Variants in ARAP1 observed in about 807,000 individuals in gnomAD.
The protein encoded by ARAP1 is ArfGAP with RhoGAP domain, ankyrin repeat and PH domain 1, also known as arf-GAP with Rho-GAP domain, ANK repeat and PH domain-containing protein 1.
Under a neutral mutation model 172.2 loss-of-function variants are expected in ARAP1, and 76 were observed. The ratio of observed to expected loss-of-function variants is 0.44; its 90% CI spans 0.37 to 0.53. ARAP1 has a LOEUF of 0.53. ARAP1 is among the 20% of genes least tolerant of loss of function. ARAP1 has a pLI of 0.00. For synonymous variants in ARAP1, 804 were observed against 803.3 expected, an observed-to-expected ratio of 1.00 and a Z score of -0.01; for missense variants, 1,686 against 1,977.5, an observed-to-expected ratio of 0.85 and a Z score of 2.80.
chr11:72,693,208 G>A lies in ARAP1; in HGVS notation c.3954+117C>T, dbSNP rs1179059947. 3 of 1,439,838 alleles carry A rather than the reference G, an allele frequency of 2.1e-6. No individual in the cohort carries two copies. The highest frequency in any genetic ancestry group is 4.1e-5 in the Admixed American group (2 of 48,902). 89.2% of individuals were successfully genotyped at this position (1,439,838 alleles called of 1,614,324 possible). On this transcript the variant is annotated intron_variant, in intron 29 of 34. Transcript: ENST00000393609. The surrounding 1 kb of genome is among the most constrained non-coding windows in gnomAD (Gnocchi z 4.6). ...GAGTCTACAGTTCTCCCCCACTGCT[G>A]TGCCATCCTGAGAGCCTGTAACGGG...
chr11:72,694,846 A>G (rs994723091), intron 27 of ARAP1, 134 bp downstream of exon 27: 4 of 719,240 alleles, frequency 5.6e-6, no homozygotes, highest in South Asian at 5.4e-5. Flanking sequence ...CACAGAGATC[A>G]GTGTGACAGC....
At position 72,726,353 on chromosome 11, in the gene ARAP1, G is replaced by A. The variant is rs1531865; in HGVS notation, c.509+267C>T. 0.35 allele frequency among the ~76,000 whole-genome samples: 53,389 copies of A among 151,930 alleles called. 9,886 individuals are homozygous for A. Among genetic ancestry groups the A allele is most frequent in the East Asian group, 0.54 (2,800 of 5,138 alleles). ...TGGGTCTCTGGATCAGTGATGGCAC[G>A]ACTGTCCACCCAGCCACCCAAGACA... On this transcript the variant is annotated intron_variant, in intron 3 of 34. Coordinates refer to ENST00000393609, the MANE Select transcript of ARAP1 (RefSeq NM_001040118.3). This position sits in a 1 kb window ranked among gnomAD's most constrained non-coding sequence, Gnocchi z 6.5.
intron 2 of ARAP1, among the ~76,000 whole-genome samples, chr11:72,731,046 G>A (rs1270931191): frequency 6.6e-6 from 1 of 152,224 alleles, no homozygotes; most frequent in Non-Finnish European, 1.5e-5. Context: ...GGAGCATGGA[G>A]TAGTGTGCAG....
At position 72,741,685 on chromosome 11, in the gene ARAP1, T is replaced by C. The variant is rs1858204197; in HGVS notation, c.-127-9088A>G. 6.6e-6 allele frequency among the ~76,000 whole-genome samples: 1 copy of C among 151,858 alleles called. No individual in the cohort carries two copies. The highest frequency in any genetic ancestry group is 1.5e-5 in the Non-Finnish European group (1 of 67,960). ...AGAGACAGGGCTGACCGCAGCAGGG[T>C]GGGAGTGCACAGGGCTGACCACAGA... On this transcript the variant is annotated intron_variant, in intron 1 of 34. Coordinates refer to ENST00000393609, the MANE Select transcript of ARAP1 (RefSeq NM_001040118.3). The surrounding 1 kb of genome is among the most constrained non-coding windows in gnomAD (Gnocchi z 4.5).
chr11:72,750,761 G>C (rs1448966238), intron 1 of ARAP1, among the ~76,000 whole-genome samples: 1 of 148,322 alleles, frequency 6.7e-6, no homozygotes, highest in South Asian at 2.2e-4. Flanking sequence ...CGGGGCCCCA[G>C]GTCCCATGAT....
Position 72,693,388 on chromosome 11 carries a change from A to G in ARAP1, c.3891T>C (p.Gly1297=). 6.2e-7 allele frequency: 1 copy of G among 1,613,904 alleles called. No individual in the cohort carries two copies. The highest frequency in any genetic ancestry group is 8.5e-7 in the Non-Finnish European group (1 of 1,179,852). The change falls in exon 29 of 35, where the codon GGT becomes GGC. Residue 1297 remains glycine, a synonymous_variant. Coordinates refer to ENST00000393609, the MANE Select transcript of ARAP1 (RefSeq NM_001040118.3). This position sits in a 1 kb window ranked among gnomAD's most constrained non-coding sequence, Gnocchi z 4.6. ...GGATGAAGTAGCGATCGTGGAAGCCACCTGAGGGCAGGCCCAGGCCCAGGA... is the reference window on the plus strand; with the variant it reads ...GGATGAAGTAGCGATCGTGGAAGCCGCCTGAGGGCAGGCCCAGGCCCAGGA... ...RSLLGLGLPS[G]GFHDRYFILN...
Position 72,697,208 on chromosome 11 carries a change from G to A in ARAP1, c.2954-13C>T, listed in dbSNP as rs1054532400. The stretch of plus-strand genomic sequence containing the variant: ...TCGGAGGTCAGGCCTAGGGAGGGGC[G>A]GGGCCAAGCGTTCGGGGCCTGAGGC... On this transcript the variant is annotated splice_polypyrimidine_tract_variant and intron_variant, in intron 21 of 34. Coordinates refer to ENST00000393609, the MANE Select transcript of ARAP1 (RefSeq NM_001040118.3). 4.4e-6 allele frequency: 7 copies of A among 1,594,218 alleles called. No homozygotes were observed. The African/African-American group carries it at 8.0e-5, about 18-fold the overall frequency.
Position 72,699,106 on chromosome 11 carries a change from A to G in ARAP1, c.2440T>C (p.Phe814Leu). The G allele has an allele frequency of 6.2e-7, 1 of 1,614,078 alleles. No homozygotes were observed. The highest frequency in any genetic ancestry group is 8.5e-7 in the Non-Finnish European group (1 of 1,180,008). ...GTGTACACCTCAAAGGTGTGCTCAAAGCTGCAAATACACAGGCCAGGACTC... is the reference window on the plus strand; with the variant it reads ...GTGTACACCTCAAAGGTGTGCTCAAGGCTGCAAATACACAGGCCAGGACTC... Reference protein sequence around the residue: ...LAVPPPDTHGFEHTFEVYTEG... With the variant: ...LAVPPPDTHGLEHTFEVYTEG... Residue 814 changes from phenylalanine (F) to leucine (L), a missense_variant and splice_region_variant, in exon 18 of 35, where the codon TTT becomes CTT. By Grantham distance (22) the Phe-to-Leu change is conservative. This residue lies in a region of ARAP1 where 688 missense variants were observed against 856.9 expected (regional missense o/e 0.80). Transcript: ENST00000393609. The surrounding 1 kb of genome is among the most constrained non-coding windows in gnomAD (Gnocchi z 4.2).
At chr11:72,746,190 C>G (rs1015373841) in intron 1 of ARAP1, among the ~76,000 whole-genome samples, 1 of 152,080 alleles carries the variant, frequency 6.6e-6, no homozygotes, top group Non-Finnish European at 1.5e-5. Context: ...CGGGAACAGC[C>G]CCACTACAAC....
intron 1 of ARAP1, among the ~76,000 whole-genome samples, chr11:72,734,767 T>C (rs1591241274): frequency 6.6e-6 from 1 of 151,718 alleles, no homozygotes; most frequent in Non-Finnish European, 1.5e-5. Flanking sequence ...CACGTGGCTG[T>C]TGGACATTTG....
At chr11:72,697,713 C>T (rs940696186) in intron 19 of ARAP1, 64 bp from the exon 20 acceptor site, 1 of 1,597,616 alleles carries the variant, frequency 6.3e-7, no homozygotes, top group African/African-American at 1.3e-5. Context: ...TGCTCCCTCC[C>T]TCTGTGAGCA....
chr11:72,707,334 C>G lies in ARAP1; in HGVS notation c.1564G>C (p.Glu522Gln). The change falls in exon 12 of 35, where the codon GAG becomes CAG. Residue 522 changes from glutamate (E) to glutamine (Q), a missense_variant. Coordinates refer to ENST00000393609, the MANE Select transcript of ARAP1 (RefSeq NM_001040118.3). ...DSELEKEQWL[E>Q]AMQGAIAEAL... ...TCAGCGATGGCTCCCTGCATGGCCT[C>G]CAACCACTGCTCCTTCTCTAGCTCT... 1 of 1,613,590 alleles carries G rather than the reference C, an allele frequency of 6.2e-7. No individual in the cohort carries two copies. The highest frequency in any genetic ancestry group is 8.5e-7 in the Non-Finnish European group (1 of 1,179,836).
rs781291928 is a variant in ARAP1, at chr11:72,741,084, C to T, written c.-127-8487G>A. Among the ~76,000 whole-genome samples, 1 of 152,144 alleles carries T rather than the reference C, an allele frequency of 6.6e-6. No homozygotes were observed. Among genetic ancestry groups the T allele is most frequent in the Non-Finnish European group, 1.5e-5 (1 of 68,020 alleles). ...ATGCCCCTCTGGCCCCACCACATAC[C>T]CCCGACCCCTAATGGGTCTGGGGAC... On this transcript the variant is annotated intron_variant, in intron 1 of 34. Coordinates refer to ENST00000393609, the MANE Select transcript of ARAP1 (RefSeq NM_001040118.3). This position sits in a 1 kb window ranked among gnomAD's most constrained non-coding sequence, Gnocchi z 4.5.
chr11:72,712,511 C>G lies in ARAP1; in HGVS notation c.805G>C (p.Glu269Gln), dbSNP rs144638314. Reference sequence around the variant, plus strand: ...TCGTCCCCAGACAGTTCCTCTCCCTCGCTCAGCAGACTGGCCACGCGCACG... The same window carrying G: ...TCGTCCCCAGACAGTTCCTCTCCCTGGCTCAGCAGACTGGCCACGCGCACG... ...RAVRVASLLS[E>Q]GEELSGDDQG... Residue 269 changes from glutamate (E) to glutamine (Q), a missense_variant, in exon 6 of 35, where the codon GAG becomes CAG. Glu to Gln is a conservative substitution (Grantham distance 29). Coordinates refer to ENST00000393609, the MANE Select transcript of ARAP1 (RefSeq NM_001040118.3). The G allele has an allele frequency of 1.6e-4, 258 of 1,613,600 alleles. No homozygotes were observed. The highest frequency in any genetic ancestry group is 2.1e-4 in the Non-Finnish European group (250 of 1,179,758).
intron 14 of ARAP1, chr11:72,703,763 T>G: frequency 1.0e-5 from 2 of 199,684 alleles, no homozygotes; most frequent in Non-Finnish European, 2.1e-5. Flanking sequence ...CGGGGCCTCA[T>G]CTTGAGTGGG....
At chr11:72,685,754 C>A (rs540312548) in intron 34 of ARAP1, 73 bp from the exon 35 acceptor site, 5 of 1,581,160 alleles carry the variant, frequency 3.2e-6, no homozygotes, top group East Asian at 2.4e-5. Context: ...GAAGCTGCTG[C>A]AGCTGCTGCA....
At chr11:72,730,866 T>C (rs368897559) in intron 2 of ARAP1, among the ~76,000 whole-genome samples, 11 of 152,126 alleles carry the variant, frequency 7.2e-5, no homozygotes, top group African/African-American at 2.4e-4. Flanking sequence ...AATGGGAGAA[T>C]AGTTAACTAA....
At position 72,690,760 on chromosome 11, in the gene ARAP1, T is replaced by C. The variant is rs374434326; in HGVS notation, c.3987+1993A>G. Among the ~76,000 whole-genome samples, 4 of 152,364 alleles carry C rather than the reference T, an allele frequency of 2.6e-5. No individual in the cohort carries two copies. In the East Asian group the frequency reaches 7.7e-4, roughly 29 times the overall value. On this transcript the variant is annotated intron_variant, in intron 30 of 34. Transcript: ENST00000393609. ...CATGGGCAGACAATGACGTTTACTC[T>C]TGATGCTTAAGGATCTCTGCTGGAA... is the stretch of plus-strand genomic sequence containing the variant.
At position 72,685,381 on chromosome 11, in the gene ARAP1, C is replaced by T; in HGVS notation, c.*283G>A. ...CCAAGTTCCTGACTTATGCCCATCT[C>T]TCCAGCCCCACAAGGACAGTGAACC... On this transcript the variant is annotated 3_prime_UTR_variant, in exon 35 of 35. Coordinates refer to ENST00000393609, the MANE Select transcript of ARAP1 (RefSeq NM_001040118.3). 1 of 531,760 alleles carries T rather than the reference C, an allele frequency of 1.9e-6. No individual in the cohort carries two copies. Among genetic ancestry groups the T allele is most frequent in the Non-Finnish European group, 3.4e-6 (1 of 296,192 alleles). The allele number at this position is 531,760 out of a possible 1,614,324, so 32.9% of individuals were successfully genotyped here.
Sources: allele counts gnomAD v4.1 joint callset (sites outside exome capture counted in the v4.1 genomes callset), GRCh38; gene constraint gnomAD v4.1.1; regional missense constraint gnomAD v4.1.1; non-coding constraint Gnocchi (gnomAD v3.1); transcripts MANE v1.5; gene names NCBI Gene and HGNC (gene_info 2026-07-23, HGNC 2026-07-21).